CCSER1: variants seen among roughly 807,000 people sequenced by gnomAD.
CCSER1 encodes coiled-coil serine rich protein 1, also known as serine-rich coiled-coil domain-containing protein 1.
In CCSER1, 41 loss-of-function variants were observed where a neutral mutation model predicts 82.0. The ratio of observed to expected loss-of-function variants is 0.50; its 90% CI spans 0.39 to 0.65. The LOEUF is 0.65. Ranked by LOEUF, CCSER1 falls within the 30% of genes least tolerant of loss-of-function variation. The pLI is 0.00. For synonymous variants in CCSER1, 414 were observed against 383.9 expected, an observed-to-expected ratio of 1.08 and a Z score of -0.92; for missense variants, 1,119 against 1,064.2, an observed-to-expected ratio of 1.05 and a Z score of -0.72.
intron 10 of CCSER1, among the ~76,000 whole-genome samples, chr4:91,308,155 C>T (rs1018198310): frequency 4.6e-5 from 7 of 151,814 alleles, no homozygotes; most frequent in African/African-American, 1.4e-4. Context: ...TGTAGATGAA[C>T]GCAAAGAGAT....
intron 9 of CCSER1, among the ~76,000 whole-genome samples, chr4:90,993,357 T>C (rs1737201940): frequency 6.6e-6 from 1 of 152,064 alleles, no homozygotes; most frequent in Non-Finnish European, 1.5e-5. Context: ...TCATCACAGT[T>C]TTTAAAAAGC....
At chr4:90,256,050 A>G (rs1252543608) in intron 1 of CCSER1, among the ~76,000 whole-genome samples, 1 of 152,162 alleles carries the variant, frequency 6.6e-6, no homozygotes, top group Admixed American at 6.5e-5. Context: ...GCCACATTGT[A>G]TCCAGAAGTA....
At chr4:90,236,901 C>CT in intron 1 of CCSER1, among the ~76,000 whole-genome samples, 1 of 151,880 alleles carries the variant, frequency 6.6e-6, no homozygotes, top group East Asian at 1.9e-4. Flanking sequence ...ACGCATTTTT[C>CT]TTTTTATTTG....
intron 8 of CCSER1, among the ~76,000 whole-genome samples, chr4:90,857,171 T>C (rs1317046724): frequency 3.3e-5 from 5 of 152,102 alleles, no homozygotes; most frequent in Non-Finnish European, 5.9e-5. Flanking sequence ...TATCTGGAAG[T>C]AGCTTAGCTG....
intron 8 of CCSER1, among the ~76,000 whole-genome samples, chr4:90,864,657 A>G (rs986206486): frequency 1.3e-5 from 2 of 152,030 alleles, no homozygotes; most frequent in African/African-American, 2.4e-5. Context: ...CACAAAACAG[A>G]GTAAAACTGA....
At chr4:90,570,817 A>G (rs938127833) in intron 5 of CCSER1, among the ~76,000 whole-genome samples, 61 of 152,262 alleles carry the variant, frequency 4.0e-4, no homozygotes, top group African/African-American at 1.5e-3. Context: ...CTTAAATGCC[A>G]TCTACTGGAC....
chr4:90,195,610 GATA>G, intron 1 of CCSER1, among the ~76,000 whole-genome samples: 1 of 152,236 alleles, frequency 6.6e-6, no homozygotes, highest in Admixed American at 6.5e-5. Context: ...GACTCTGGGT[GATA>G]ATGATGTGTA....
chr4:90,487,932 A>T (rs2153602497), intron 5 of CCSER1, among the ~76,000 whole-genome samples: 1 of 152,242 alleles, frequency 6.6e-6, no homozygotes, highest in African/African-American at 2.4e-5. Context: ...GAGCCACCGC[A>T]CCTGGCTTAA....
intron 3 of CCSER1, among the ~76,000 whole-genome samples, chr4:90,376,182 A>G (rs946460176): frequency 6.6e-6 from 1 of 152,026 alleles, no homozygotes. Context: ...ATCTCTTCAA[A>G]ATTAGGCTGC....
chr4:90,880,332 A>T (rs778092003), intron 8 of CCSER1, among the ~76,000 whole-genome samples: 19 of 152,228 alleles, frequency 1.2e-4, no homozygotes, highest in Non-Finnish European at 2.4e-4. Flanking sequence ...CACCAGAGAT[A>T]CGGGTCAGTA....
At chr4:90,490,436 G>A (rs1285006273) in intron 5 of CCSER1, among the ~76,000 whole-genome samples, 1 of 152,070 alleles carries the variant, frequency 6.6e-6, no homozygotes, top group Admixed American at 6.5e-5. Flanking sequence ...TTTGTGAGAT[G>A]AGTAGATTGC....
intron 7 of CCSER1, among the ~76,000 whole-genome samples, chr4:90,747,620 G>A (rs1277273802): frequency 6.6e-6 from 1 of 151,504 alleles, no homozygotes; most frequent in Non-Finnish European, 1.5e-5. Context: ...CTTCAATTTG[G>A]AGCTTATCTA....
intron 8 of CCSER1, among the ~76,000 whole-genome samples, chr4:90,902,812 G>C (rs1253425143): frequency 6.6e-6 from 1 of 152,042 alleles, no homozygotes; most frequent in African/African-American, 2.4e-5. Context: ...GGTTGATGAT[G>C]AGTGGAAGCA....
intron 5 of CCSER1, among the ~76,000 whole-genome samples, chr4:90,511,732 C>A (rs551724829): frequency 6.6e-6 from 1 of 151,848 alleles, no homozygotes; most frequent in African/African-American, 2.4e-5. Flanking sequence ...CAAGTAATAA[C>A]GTGTAAAGAG....
chr4:90,623,139 T>C (rs997673105), intron 5 of CCSER1, among the ~76,000 whole-genome samples: 15 of 150,582 alleles, frequency 1.0e-4, no homozygotes, highest in African/African-American at 3.7e-4. Flanking sequence ...GCCATTCTCC[T>C]GCCTCAGCCT....
chr4:91,019,658 G>T (rs13136977), intron 9 of CCSER1, among the ~76,000 whole-genome samples: 65,284 of 151,698 alleles, frequency 0.43, 14,227 homozygotes, highest in Middle Eastern at 0.49. Context: ...CTGGAGACAG[G>T]AATCAATAAT....
chr4:91,173,492 G>T (rs1349894652), intron 10 of CCSER1, among the ~76,000 whole-genome samples: 1 of 151,670 alleles, frequency 6.6e-6, no homozygotes, highest in Non-Finnish European at 1.5e-5. Context: ...TACTCAGGAG[G>T]CTGAGGCAGG....
chr4:90,378,262 C>T (rs1305272507), intron 3 of CCSER1, among the ~76,000 whole-genome samples: 1 of 152,080 alleles, frequency 6.6e-6, no homozygotes, highest in Non-Finnish European at 1.5e-5. Context: ...TTGGAAACTG[C>T]AATAATTAAT....
chr4:91,220,400 G>A (rs189914007), intron 10 of CCSER1, among the ~76,000 whole-genome samples: 129 of 152,260 alleles, frequency 8.5e-4, no homozygotes, highest in African/African-American at 2.5e-3. Context: ...ATAGTTAATG[G>A]AACATTTAAA....
Sources: allele counts gnomAD v4.1 joint callset (sites outside exome capture counted in the v4.1 genomes callset), GRCh38; gene constraint gnomAD v4.1.1; transcripts MANE v1.5; gene names NCBI Gene and HGNC (gene_info 2026-07-23, HGNC 2026-07-21).